Variants in ESR1 observed in about 807,000 individuals in gnomAD.
The protein encoded by ESR1 is estrogen receptor.
A neutral mutation model predicts 52.7 loss-of-function variants in ESR1; 12 were observed. That is an observed-to-expected ratio of 0.23 (90% confidence interval 0.15 to 0.37). The LOEUF (loss-of-function observed/expected upper bound fraction) is 0.37. ESR1 is among the 10% of genes least tolerant of loss of function. The probability of loss-of-function intolerance (pLI) is 1.00; values close to 1 mark genes in which losing one functional copy is unlikely to be tolerated. For missense variants in ESR1, 584 were observed against 779.7 expected (o/e 0.75, Z 2.99); for synonymous variants, 305 against 316.8 (o/e 0.96, Z 0.39).
chr6:151,810,525 C>T lies in ESR1; in HGVS notation c.452+2161C>T, dbSNP rs939082244. ...TATAAAGGAAAGGATTGATTGGGCT[C>T]TTTTAGGAAACTTTAAGTTTCTTAA... On this transcript the variant is annotated intron_variant, in intron 1 of 7. Coordinates refer to ENST00000206249, the MANE Select transcript of ESR1 (RefSeq NM_000125.4). 2.6e-5 allele frequency among the ~76,000 whole-genome samples: 4 copies of T among 152,208 alleles called. No homozygotes were observed. In the East Asian group the frequency reaches 7.7e-4, roughly 29 times the overall value.
chr6:151,987,791 T>C (rs1296203538), intron 4 of ESR1, among the ~76,000 whole-genome samples: 1 of 152,156 alleles, frequency 6.6e-6, no homozygotes, highest in Non-Finnish European at 1.5e-5. Flanking sequence ...TATGCTGTTA[T>C]TATTTTTAGA....
chr6:151,897,346 A>G (rs1584035724), intron 3 of ESR1, among the ~76,000 whole-genome samples: 1 of 152,274 alleles, frequency 6.6e-6, no homozygotes, highest in African/African-American at 2.4e-5. Flanking sequence ...TAATTGTTCT[A>G]TACATTTGGG....
chr6:151,828,237 G>A (rs1471088376), intron 1 of ESR1, among the ~76,000 whole-genome samples: 5 of 152,098 alleles, frequency 3.3e-5, no homozygotes, highest in South Asian at 2.1e-4. Flanking sequence ...CATTTGAATC[G>A]AATTGAACTT....
At chr6:151,747,488 A>T (rs1361271566) in intron 2 of ESR1, among the ~76,000 whole-genome samples, 4 of 152,144 alleles carry the variant, frequency 2.6e-5, no homozygotes, top group Non-Finnish European at 4.4e-5. Context: ...CTTTGCAACC[A>T]TTACCTCTCA....
intron 2 of ESR1, among the ~76,000 whole-genome samples, chr6:151,708,249 A>G (rs895663929): frequency 1.3e-5 from 2 of 152,128 alleles, no homozygotes; most frequent in Non-Finnish European, 2.9e-5. Context: ...GATAAATCTT[A>G]TAGATCTATC....
chr6:151,973,746 A>G (rs2039147875), intron 4 of ESR1, among the ~76,000 whole-genome samples: 1 of 152,208 alleles, frequency 6.6e-6, no homozygotes, highest in African/African-American at 2.4e-5. Flanking sequence ...CCACCTTGAT[A>G]GAAAGTGAAG....
chr6:151,841,135 T>G (rs1784216899), intron 1 of ESR1, among the ~76,000 whole-genome samples: 1 of 152,234 alleles, frequency 6.6e-6, no homozygotes, highest in Admixed American at 6.5e-5. Context: ...TTGGCTTTAT[T>G]CTTTTATCTT....
intron 2 of ESR1, among the ~76,000 whole-genome samples, chr6:151,868,371 G>A (rs1159671401): frequency 6.6e-6 from 1 of 152,074 alleles, no homozygotes; most frequent in African/African-American, 2.4e-5. Context: ...CAGGTGATCT[G>A]CCCACCTCGG....
chr6:151,902,727 T>C (rs1305486170), intron 3 of ESR1, among the ~76,000 whole-genome samples: 2 of 152,238 alleles, frequency 1.3e-5, no homozygotes, highest in Non-Finnish European at 2.9e-5. Flanking sequence ...TAAGGAGGCA[T>C]GTAAAGCTTC....
chr6:151,877,794 CTAAT>C (rs962471756), intron 2 of ESR1, among the ~76,000 whole-genome samples: 2 of 151,916 alleles, frequency 1.3e-5, no homozygotes, highest in African/African-American at 4.8e-5. Context: ...TTAATGTATA[CTAAT>C]TAATTTTTTA....
At chr6:151,810,981 T>C (rs1778744543) in intron 1 of ESR1, 1 of 152,246 alleles carries the variant, frequency 6.6e-6, no homozygotes, top group South Asian at 2.1e-4. Flanking sequence ...TAAGTTTTAC[T>C]ATCTGATTCT....
chr6:152,065,455 T>G (rs2047892484), intron 6 of ESR1, among the ~76,000 whole-genome samples: 1 of 152,170 alleles, frequency 6.6e-6, no homozygotes, highest in Non-Finnish European at 1.5e-5. Context: ...AATTCATATG[T>G]CAAAGCTTTA....
intron 1 of ESR1, among the ~76,000 whole-genome samples, chr6:151,695,804 A>C (rs1334246234): frequency 6.6e-6 from 1 of 152,162 alleles, no homozygotes; most frequent in Non-Finnish European, 1.5e-5. Context: ...CATGTAAAGA[A>C]AGGTGCTTAA....
intron 1 of ESR1, among the ~76,000 whole-genome samples, chr6:151,809,566 C>G (rs567135537): frequency 6.6e-6 from 1 of 152,278 alleles, no homozygotes; most frequent in South Asian, 2.1e-4. Context: ...ATCTTTCTGC[C>G]TTGTAAGCCG....
At chr6:151,991,483 C>G (rs534488162) in intron 4 of ESR1, among the ~76,000 whole-genome samples, 1 of 151,226 alleles carries the variant, frequency 6.6e-6, no homozygotes, top group Admixed American at 6.6e-5. Flanking sequence ...GCTCCAAATA[C>G]GGTTGAAGGA....
At chr6:151,954,949 T>TCCCA in intron 4 of ESR1, among the ~76,000 whole-genome samples, 1 of 152,186 alleles carries the variant, frequency 6.6e-6, no homozygotes, top group South Asian at 2.1e-4. Context: ...TTACATTGGG[T>TCCCA]CTGTGGAAGT....
chr6:151,849,600 C>T (rs895474445), intron 2 of ESR1, among the ~76,000 whole-genome samples: 7 of 150,424 alleles, frequency 4.7e-5, no homozygotes, highest in East Asian at 2.0e-4. Context: ...GCTGAGATCG[C>T]GACACTGCAC....
At chr6:151,803,172 C>T (rs1777433401), upstream of ESR1, among the ~76,000 whole-genome samples, 1 of 152,020 alleles carries the variant, frequency 6.6e-6, no homozygotes, top group Non-Finnish European at 1.5e-5. Flanking sequence ...GTAATTCTAG[C>T]CAGACCTTGT....
At chr6:152,074,563 G>T (rs936538310) in intron 6 of ESR1, among the ~76,000 whole-genome samples, 1 of 152,230 alleles carries the variant, frequency 6.6e-6, no homozygotes, top group Non-Finnish European at 1.5e-5. Flanking sequence ...ACACCCATGT[G>T]CAGGTAATTG....
Sources: allele counts gnomAD v4.1 joint callset (sites outside exome capture counted in the v4.1 genomes callset), GRCh38; gene constraint gnomAD v4.1.1; transcripts MANE v1.5; gene names NCBI Gene and HGNC (gene_info 2026-07-23, HGNC 2026-07-21).